SIMC1: variants seen among roughly 807,000 people sequenced by gnomAD.
SIMC1 encodes SUMO interacting motifs containing 1.
SIMC1 carries 55 observed loss-of-function variants against 82.3 expected under a neutral mutation model. The ratio of observed to expected loss-of-function variants is 0.67; its 90% CI spans 0.54 to 0.84. SIMC1 has a LOEUF of 0.84. Ranked by LOEUF, SIMC1 falls within the 40% of genes least tolerant of loss-of-function variation. SIMC1 has a pLI of 0.00. For synonymous variants in SIMC1, 353 were observed against 426.3 expected, an observed-to-expected ratio of 0.83 and a Z score of 2.12; for missense variants, 915 against 1,107.2, an observed-to-expected ratio of 0.83 and a Z score of 2.46.
chr5:176,279,914 T>C (rs2113217208), intron 1 of SIMC1, among the ~76,000 whole-genome samples: 1 of 152,276 alleles, frequency 6.6e-6, no homozygotes, highest in East Asian at 1.9e-4. Context: ...AATTTTGGAA[T>C]AGGTGTGGTG....
chr5:176,284,221 C>T (rs1763155851), intron 1 of SIMC1, among the ~76,000 whole-genome samples: 1 of 152,228 alleles, frequency 6.6e-6, no homozygotes, highest in Non-Finnish European at 1.5e-5. Context: ...ACAGAATATA[C>T]ATTCTTCTCA....
At chr5:176,314,306 A>G (rs532763118) in intron 5 of SIMC1, among the ~76,000 whole-genome samples, 4 of 152,144 alleles carry the variant, frequency 2.6e-5, no homozygotes, top group Non-Finnish European at 5.9e-5. Context: ...AACTATAGCT[A>G]ATCATAAACC....
intron 4 of SIMC1, among the ~76,000 whole-genome samples, chr5:176,300,491 T>TA: frequency 6.7e-6 from 1 of 148,504 alleles, no homozygotes; most frequent in East Asian, 2.0e-4. Flanking sequence ...GCTAATTTTT[T>TA]ATTATTTTTT....
chr5:176,264,002 G>T (rs1291343359), intron 1 of SIMC1, among the ~76,000 whole-genome samples: 1 of 152,220 alleles, frequency 6.6e-6, no homozygotes, highest in Non-Finnish European at 1.5e-5. Context: ...CCAGAACTCA[G>T]CAGGGCAGAC....
chr5:176,345,989 A>G lies in SIMC1; in HGVS notation c.*544A>G, dbSNP rs1766464128. On this transcript the variant is annotated 3_prime_UTR_variant, in exon 10 of 10. Coordinates refer to ENST00000429602, the MANE Select transcript of SIMC1 (RefSeq NM_001308195.2). ...AATAAAAAGGCAATGGTTTTTCAAA[A>G]TACCAAGTTCAGTGTGACTCTGGGT... is the stretch of plus-strand genomic sequence containing the variant. The G allele has an allele frequency of 6.6e-6, 1 of 152,270 alleles. No individual in the cohort carries two copies. The highest frequency in any genetic ancestry group is 2.4e-5 in the African/African-American group (1 of 41,480). 9.4% of individuals were successfully genotyped at this position (152,270 alleles called of 1,614,324 possible).
Position 176,283,623 on chromosome 5 carries a change from G to A in SIMC1, c.130-6031G>A, listed in dbSNP as rs113721247. Among the ~76,000 whole-genome samples the A allele has an allele frequency of 4.6e-5, 7 of 152,290 alleles. 1 individual carries two copies. The highest frequency in any genetic ancestry group is 1.7e-4 in the African/African-American group (7 of 41,552). Reference sequence around the variant, plus strand: ...AGGAAGAAACTGCATCAACTAATGAGCAAACTAACCAGCTAACATCATAAT... The same window carrying A: ...AGGAAGAAACTGCATCAACTAATGAACAAACTAACCAGCTAACATCATAAT... On this transcript the variant is annotated intron_variant, in intron 1 of 9. Transcript: ENST00000429602.
intron 4 of SIMC1, among the ~76,000 whole-genome samples, chr5:176,309,548 C>A (rs1330438482): frequency 6.6e-6 from 1 of 152,120 alleles, no homozygotes; most frequent in Non-Finnish European, 1.5e-5. Context: ...AATTTAAAAA[C>A]TTGTGATTTA....
intron 1 of SIMC1, among the ~76,000 whole-genome samples, chr5:176,253,110 G>A (rs1027120280): frequency 6.6e-6 from 1 of 152,186 alleles, no homozygotes; most frequent in African/African-American, 2.4e-5. Context: ...CTTCGGCTCG[G>A]CATCAGAGGG....
Position 176,290,426 on chromosome 5 carries a change from A to G in SIMC1, c.902A>G (p.Asp301Gly). The change falls in exon 2 of 10, where the codon GAT becomes GGT. Residue 301 changes from aspartate to glycine, a missense_variant. Transcript: ENST00000429602. ...CCTCAAAGCATATTACATCCACAAG[A>G]TGTGGCATACCTGCAAGACATGCCA... ...GLPQSILHPQ[D>G]VAYLQDMPRS... The G allele has an allele frequency of 1.2e-6, 2 of 1,614,012 alleles. No homozygotes were observed. The highest frequency in any genetic ancestry group is 1.7e-6 in the Non-Finnish European group (2 of 1,179,888).
At chr5:176,272,885 G>A (rs1241125776) in intron 1 of SIMC1, among the ~76,000 whole-genome samples, 4 of 152,218 alleles carry the variant, frequency 2.6e-5, no homozygotes, top group African/African-American at 9.6e-5. Context: ...CGAGGCTTGG[G>A]GAAGGGTGCC....
intron 7 of SIMC1, among the ~76,000 whole-genome samples, chr5:176,326,835 G>A (rs1312271173): frequency 2.0e-5 from 3 of 152,156 alleles, no homozygotes; most frequent in Admixed American, 6.5e-5. Context: ...AAAGTGCTGG[G>A]ATTACAGGCG....
At chr5:176,300,178 C>T (rs1410552752) in intron 4 of SIMC1, among the ~76,000 whole-genome samples, 2 of 152,086 alleles carry the variant, frequency 1.3e-5, no homozygotes, top group Non-Finnish European at 2.9e-5. Flanking sequence ...GATCTCAAAC[C>T]AACAACCTGA....
chr5:176,296,071 T>C (rs1763801378), intron 3 of SIMC1, 180 bp from the exon 4 acceptor site: 3 of 1,134,846 alleles, frequency 2.6e-6, no homozygotes, highest in Non-Finnish European at 3.7e-6. Flanking sequence ...GGATACTGGG[T>C]AGCAAAAAAC....
rs1474667581 is a variant in SIMC1, at chr5:176,343,887, G to A, written c.2414-1296G>A. On this transcript the variant is annotated intron_variant, in intron 9 of 9. Transcript: ENST00000429602. ...TGGCTCACTACAACCTCCACCTCCC[G>A]GGTTCAAGCAATTCTCCCACCCTCA... Among the ~76,000 whole-genome samples the A allele has an allele frequency of 3.3e-5, 5 of 151,862 alleles. No individual in the cohort carries two copies. In the East Asian group the frequency reaches 5.8e-4, roughly 18 times the overall value.
intron 1 of SIMC1, chr5:176,270,533 A>G (rs1303065426): frequency 6.6e-6 from 1 of 152,206 alleles, no homozygotes; most frequent in Non-Finnish European, 1.5e-5. Flanking sequence ...GAGCAATCAC[A>G]GTACCTGGTT....
rs903268533 is a variant in SIMC1, at chr5:176,280,086, C to T, written c.130-9568C>T. On this transcript the variant is annotated intron_variant, in intron 1 of 9. Coordinates refer to ENST00000429602, the MANE Select transcript of SIMC1 (RefSeq NM_001308195.2). ...GTTGACAGTGGGGTGTTAAAGTCTCCCATTATTAATGTGTGGGAGTCTAAG... is the reference window on the plus strand; with the variant it reads ...GTTGACAGTGGGGTGTTAAAGTCTCTCATTATTAATGTGTGGGAGTCTAAG... Among the ~76,000 whole-genome samples the T allele has an allele frequency of 2.5e-3, 381 of 152,058 alleles. 4 individuals are homozygous for T. The highest frequency in any genetic ancestry group is 8.2e-3 in the African/African-American group (339 of 41,450).
At chr5:176,244,897 T>A (rs917068256) in intron 1 of SIMC1, among the ~76,000 whole-genome samples, 48 of 152,050 alleles carry the variant, frequency 3.2e-4, no homozygotes, top group African/African-American at 1.1e-3. Flanking sequence ...AATTTTATAT[T>A]TTTAGTAGAG....
At position 176,345,497 on chromosome 5, in the gene SIMC1, C is replaced by A. The variant is rs1766422567; in HGVS notation, c.*52C>A. 2 of 1,555,426 alleles carry A rather than the reference C, an allele frequency of 1.3e-6. No individual in the cohort carries two copies. Among genetic ancestry groups the A allele is most frequent in the East Asian group, 4.5e-5 (2 of 44,340 alleles). ...AATACCTCCTGAACTCTCTCTCCAA[C>A]TGCTCAGAAGCTCTAAAAGCATGAA... On this transcript the variant is annotated 3_prime_UTR_variant, in exon 10 of 10. Transcript: ENST00000429602.
At chr5:176,305,528 G>A (rs1479655442) in intron 4 of SIMC1, among the ~76,000 whole-genome samples, 1 of 141,892 alleles carries the variant, frequency 7.0e-6, no homozygotes, top group Non-Finnish European at 1.6e-5. Flanking sequence ...CTGGGAGGGA[G>A]GTGGGGGGGT....
Sources: gnomAD v4.1 joint callset for allele counts (sites outside exome capture counted in the v4.1 genomes callset) on GRCh38, gnomAD v4.1.1 for gene constraint, MANE v1.5 for transcripts, NCBI Gene and HGNC (gene_info 2026-07-23, HGNC 2026-07-21) for gene names.